RESP18: variants seen among roughly 807,000 people sequenced by gnomAD.
RESP18 encodes regulated endocrine specific protein 18.
Under a neutral mutation model 30.0 loss-of-function variants are expected in RESP18, and 30 were observed. The ratio of observed to expected loss-of-function variants is 1.00; its 90% CI spans 0.75 to 1.36. The LOEUF is 1.36. Ranked by LOEUF, RESP18 falls within the 40% of genes most tolerant of loss-of-function variation. The pLI, the probability that RESP18 is intolerant of heterozygous loss-of-function variation, is 0.00. For missense variants in RESP18, 320 were observed against 284.2 expected (o/e 1.13, Z -0.91); for synonymous variants, 117 against 111.2 (o/e 1.05, Z -0.33).
intron 2 of RESP18, among the ~76,000 whole-genome samples, chr2:219,331,405 T>A (rs185649673): frequency 6.6e-6 from 1 of 152,268 alleles, no homozygotes; most frequent in African/African-American, 2.4e-5. Flanking sequence ...ATGCACACCT[T>A]CCTTCTTCCA....
rs571327206 is a variant in RESP18, at chr2:219,329,783, G to C, written c.338-19C>G. 15 of 1,547,748 alleles carry C rather than the reference G, an allele frequency of 9.7e-6. No individual in the cohort carries two copies. The South Asian group carries it at 1.4e-4, about 15-fold the overall frequency. On this transcript the variant is annotated intron_variant, in intron 3 of 6. Coordinates refer to ENST00000333527, the MANE Select transcript of RESP18 (RefSeq NM_001007089.4). ...AACAGACCTGCAGGATGAAAGGATG[G>C]GGGGTGAGTTGACACCTGAGACACT...
Position 219,332,559 on chromosome 2 carries a change from C to A in RESP18, c.197G>T (p.Ser66Ile). 1 of 1,551,434 alleles carries A rather than the reference C, an allele frequency of 6.4e-7. No homozygotes were observed. The highest frequency in any genetic ancestry group is 8.7e-7 in the Non-Finnish European group (1 of 1,146,968). Reference sequence around the variant, plus strand: ...AGTGTCGCTGCAGCCCCCCGGGCAGCTGTTCAGCAGCAGGAAGCAGACAAG... The same window carrying A: ...AGTGTCGCTGCAGCCCCCCGGGCAGATGTTCAGCAGCAGGAAGCAGACAAG... Residue 66 changes from serine to isoleucine, a missense_variant, in exon 2 of 7, where the codon AGC (serine) becomes ATC (isoleucine). By Grantham distance (142) the Ser-to-Ile change is moderately radical (BLOSUM62 -2). Coordinates refer to ENST00000333527, the MANE Select transcript of RESP18 (RefSeq NM_001007089.4).
Position 219,332,681 on chromosome 2 carries a change from G to A in RESP18, c.75C>T (p.Ala25=), listed in dbSNP as rs543764737. ...CCGGCCAAGTCTCAGTGAAGGTAGCGGCCACGGCCGAGGGGCTGAGCGGGG... is the reference window on the plus strand; with the variant it reads ...CCGGCCAAGTCTCAGTGAAGGTAGCAGCCACGGCCGAGGGGCTGAGCGGGG... Residue 25 remains alanine (A), a synonymous_variant, in exon 2 of 7, where the codon GCC becomes GCT. Coordinates refer to ENST00000333527, the MANE Select transcript of RESP18 (RefSeq NM_001007089.4). 2 of 1,551,008 alleles carry A rather than the reference G, an allele frequency of 1.3e-6. No individual in the cohort carries two copies. Among genetic ancestry groups the A allele is most frequent in the African/African-American group, 1.4e-5 (1 of 73,146 alleles).
chr2:219,327,730 G>T (rs1423410489), intron 6 of RESP18, among the ~76,000 whole-genome samples, 167 bp from the exon 6 acceptor site: 1 of 152,172 alleles, frequency 6.6e-6, no homozygotes, highest in South Asian at 2.1e-4. Context: ...CTCACATGTA[G>T]CCCTGTCTCT....
Position 219,330,875 on chromosome 2 carries a change from T to C in RESP18, c.233A>G (p.Asp78Gly), listed in dbSNP as rs768653348. Reference sequence around the variant, plus strand: ...CCCCACTCCTACTTGGTCCTGACCATCTAAGGGCAAAATAGTGGTGTCAGC... The same window carrying C: ...CCCCACTCCTACTTGGTCCTGACCACCTAAGGGCAAAATAGTGGTGTCAGC... The change falls in exon 3 of 7, where the codon GAT (aspartate) becomes GGT (glycine). Residue 78 changes from aspartate to glycine, a missense_variant and splice_region_variant. Transcript: ENST00000333527. The C allele has an allele frequency of 1.6e-4, 244 of 1,544,286 alleles. No homozygotes were observed. The highest frequency in any genetic ancestry group is 2.1e-4 in the Non-Finnish European group (236 of 1,140,356).
At chr2:219,329,908 A>AACTT in intron 3 of RESP18, 144 bp from the exon 3 acceptor site, 1 of 776,766 alleles carries the variant, frequency 1.3e-6, no homozygotes, top group Non-Finnish European at 2.0e-6. Flanking sequence ...GTTGCTTAGC[A>AACTT]TAGTGCCTAG....
chr2:219,332,382 C>G (rs1448766392), intron 2 of RESP18, 142 bp downstream of exon 1: 2 of 653,610 alleles, frequency 3.1e-6, no homozygotes, highest in Non-Finnish European at 5.2e-6. Context: ...TTCCGCTAGA[C>G]GCTGTCTACC....
chr2:219,327,695 CAACT>C, intron 6 of RESP18, 132 bp from the exon 6 acceptor site: 1 of 758,596 alleles, frequency 1.3e-6, no homozygotes, highest in East Asian at 2.7e-5. Flanking sequence ...GACAGCTCAC[CAACT>C]GAGAGCCTGT....
chr2:219,331,553 G>C (rs771061051), intron 2 of RESP18, among the ~76,000 whole-genome samples: 3 of 152,172 alleles, frequency 2.0e-5, no homozygotes, highest in African/African-American at 7.2e-5. Context: ...GGGGGTAAGC[G>C]TGACAAAGTT....
intron 2 of RESP18, among the ~76,000 whole-genome samples, chr2:219,332,170 T>C (rs1378354913): frequency 2.0e-5 from 3 of 152,186 alleles, no homozygotes; most frequent in African/African-American, 7.2e-5. Flanking sequence ...GCCTTCTCCC[T>C]GGAGCCAAGA....
In RESP18 at chr2:219,329,268, C is replaced by T; in HGVS notation, c.466-16G>A. The T allele has an allele frequency of 3.2e-6, 5 of 1,551,582 alleles. No homozygotes were observed. The highest frequency in any genetic ancestry group is 4.4e-6 in the Non-Finnish European group (5 of 1,146,912). ...CCAGGGGGCTCTGTGAGGAGGGAAACCAGGAGTCAAGGAGGAGGCAGAAAA... is the reference window on the plus strand; with the variant it reads ...CCAGGGGGCTCTGTGAGGAGGGAAATCAGGAGTCAAGGAGGAGGCAGAAAA... On this transcript the variant is annotated splice_polypyrimidine_tract_variant and intron_variant, in intron 4 of 6. Coordinates refer to ENST00000333527, the MANE Select transcript of RESP18 (RefSeq NM_001007089.4).
intron 1 of RESP18, 60 bp from the exon 1 acceptor site, chr2:219,332,804 A>T: frequency 5.5e-6 from 7 of 1,283,188 alleles, no homozygotes; most frequent in Non-Finnish European, 7.4e-6. Context: ...TCGCCTCCCC[A>T]GCTCCTTCCC....
Position 219,329,248 on chromosome 2 carries a change from G to A in RESP18, c.470C>T (p.Pro157Leu), listed in dbSNP as rs375307945. 1.2e-5 allele frequency: 18 copies of A among 1,551,580 alleles called. No individual in the cohort carries two copies. Among genetic ancestry groups the A allele is most frequent in the Non-Finnish European group, 1.6e-5 (18 of 1,146,990 alleles). Residue 157 changes from proline (P) to leucine (L), a missense_variant, in exon 5 of 7, where the codon CCC becomes CTC. Pro to Leu is a moderately conservative substitution (Grantham distance 98). Transcript: ENST00000333527. ...CTGATCCCTGTTCACCTTGGCCAGG[G>A]GGCTCTGTGAGGAGGGAAACCAGGA...
At chr2:219,331,917 AC>A in intron 2 of RESP18, among the ~76,000 whole-genome samples, 1 of 152,144 alleles carries the variant, frequency 6.6e-6, no homozygotes, top group African/African-American at 2.4e-5. Context: ...GGCCTCTAAA[AC>A]CAAAAATCAG....
chr2:219,331,772 A>C (rs553209832), intron 2 of RESP18, among the ~76,000 whole-genome samples: 2 of 152,206 alleles, frequency 1.3e-5, no homozygotes, highest in South Asian at 4.2e-4. Context: ...AGAGGTGGGG[A>C]GGCCAGCGTG....
chr2:219,332,576 G>T lies in RESP18; in HGVS notation c.180C>A (p.Cys60Ter). 1 of 1,551,450 alleles carries T rather than the reference G, an allele frequency of 6.4e-7. No individual in the cohort carries two copies. ...CCGGGCAGCTGTTCAGCAGCAGGAA[G>T]CAGACAAGCAGCTGGAGCCCCTCGG... Residue 60 changes from cysteine (C) to a stop codon, truncating the protein, a stop_gained, in exon 2 of 7, where the codon TGC becomes TGA. Transcript: ENST00000333527. LOFTEE classifies it high-confidence loss of function.
At chr2:219,332,819 C>G (rs1280500648) in intron 1 of RESP18, 75 bp from the exon 1 acceptor site, 8 of 1,110,378 alleles carry the variant, frequency 7.2e-6, no homozygotes, top group Non-Finnish European at 1.0e-5. Flanking sequence ...CTTCCCCTAC[C>G]GCCTCCCCAC....
chr2:219,329,416 A>G lies in RESP18; in HGVS notation c.466-164T>C, dbSNP rs1170660541. The G allele has an allele frequency of 3.1e-5, 44 of 1,440,028 alleles. No individual in the cohort carries two copies. The East Asian group carries it at 1.1e-3, about 34-fold the overall frequency. The allele number at this position is 1,440,028 out of a possible 1,614,324, so 89.2% of individuals were successfully genotyped here. Reference sequence around the variant, plus strand: ...AGTTTCTCCTCTTGCTAGAAGAGACAGGGAATGACAAATTGGACCTAGGCT... The same window carrying G: ...AGTTTCTCCTCTTGCTAGAAGAGACGGGGAATGACAAATTGGACCTAGGCT... On this transcript the variant is annotated intron_variant, in intron 4 of 6. Transcript: ENST00000333527.
intron 2 of RESP18, 103 bp from the exon 2 acceptor site, chr2:219,330,978 CCT>C: frequency 1.4e-6 from 1 of 700,358 alleles, no homozygotes; most frequent in Non-Finnish European, 2.6e-6. Context: ...GGACCCCTGA[CCT>C]CTGTTCCCAC....
Sources: gnomAD v4.1 joint callset for allele counts (sites outside exome capture counted in the v4.1 genomes callset) on GRCh38, gnomAD v4.1.1 for gene constraint, MANE v1.5 for transcripts, NCBI Gene and HGNC (gene_info 2026-07-23, HGNC 2026-07-21) for gene names.